Variants in ENPEP observed in about 807,000 individuals in gnomAD.
ENPEP encodes the protein glutamyl aminopeptidase, also known as AP-A.
In ENPEP, 103 loss-of-function variants were observed where a neutral mutation model predicts 114.5. The ratio of observed to expected loss-of-function variants is 0.90; its 90% CI spans 0.77 to 1.06. The LOEUF (loss-of-function observed/expected upper bound fraction) is 1.06, where lower values mean the gene tolerates loss of function less well. Ranked by LOEUF, ENPEP falls within the 50% of genes least tolerant of loss-of-function variation. The probability of loss-of-function intolerance (pLI) is 0.00; values close to 1 mark genes in which losing one functional copy is unlikely to be tolerated. For synonymous variants in ENPEP, 420 were observed against 422.0 expected (o/e 1.00, Z 0.06); for missense variants, 1,196 against 1,161.3 (o/e 1.03, Z -0.43).
chr4:110,505,575 A>T (rs1219746274), intron 3 of ENPEP, among the ~76,000 whole-genome samples: 1 of 152,190 alleles, frequency 6.6e-6, no homozygotes, highest in East Asian at 1.9e-4. Context: ...AAAACTAGCA[A>T]CGCATTGGGA....
chr4:110,533,437 A>AT (rs1491291716), intron 11 of ENPEP: 1 of 144,888 alleles, frequency 6.9e-6, no homozygotes. Flanking sequence ...AAAAAAAAAA[A>AT]GCAATCCTAA....
chr4:110,547,771 A>G (rs771480155), intron 13 of ENPEP, among the ~76,000 whole-genome samples: 2 of 152,070 alleles, frequency 1.3e-5, no homozygotes, highest in Non-Finnish European at 1.5e-5. Flanking sequence ...TCATAAGCAA[A>G]TGTAAATAAT....
At position 110,564,886 on chromosome 4, in the gene ENPEP, A is replaced by T. The variant is rs552438813; in HGVS notation, c.*3328A>T. ...CAGCAGTATTCCAGATAGAGGCCGC[A>T]CTATGAGCCTGAATTCCAGGATAAA... On this transcript the variant is annotated 3_prime_UTR_variant, in exon 20 of 20. Transcript: ENST00000265162. 1 of 152,328 alleles carries T rather than the reference A, an allele frequency of 6.6e-6. No homozygotes were observed. Among genetic ancestry groups the T allele is most frequent in the South Asian group, 2.1e-4 (1 of 4,828 alleles). The allele number at this position is 152,328 out of a possible 1,614,324, so 9.4% of individuals were successfully genotyped here. A position where few individuals can be genotyped will look rare whatever the true frequency, so the allele number is the denominator to read the frequency against.
At chr4:110,531,082 CTAGA>C in intron 10 of ENPEP, 112 bp from the exon 11 acceptor site, 2 of 556,468 alleles carry the variant, frequency 3.6e-6, no homozygotes, top group Non-Finnish European at 5.7e-6. Flanking sequence ...GTAGTATGGA[CTAGA>C]TAATCATTTA....
chr4:110,549,814 C>T lies in ENPEP; in HGVS notation c.2429C>T (p.Thr810Ile). Residue 810 changes from threonine (T) to isoleucine (I), a missense_variant, in exon 17 of 20, where the codon ACT becomes ATT. Thr to Ile is a moderately conservative substitution (Grantham distance 89, BLOSUM62 -1). Transcript: ENST00000265162. ...TACACTCTTGAGCAATACCAGAAAACTTCATTAGCTCAAGAAAAAGAAAAA... is the reference window on the plus strand; with the variant it reads ...TACACTCTTGAGCAATACCAGAAAATTTCATTAGCTCAAGAAAAAGAAAAA... ...WNYTLEQYQK[T>I]SLAQEKEKLL... 2 of 1,613,272 alleles carry T rather than the reference C, an allele frequency of 1.2e-6. No homozygotes were observed. The highest frequency in any genetic ancestry group is 8.5e-7 in the Non-Finnish European group (1 of 1,179,534).
chr4:110,557,263 T>C (rs1727512646), intron 18 of ENPEP, among the ~76,000 whole-genome samples: 1 of 152,172 alleles, frequency 6.6e-6, no homozygotes, highest in Non-Finnish European at 1.5e-5. Flanking sequence ...GACTTACGGA[T>C]GATCACAAAG....
intron 19 of ENPEP, among the ~76,000 whole-genome samples, chr4:110,560,586 C>T (rs545294708): frequency 3.3e-5 from 5 of 152,074 alleles, no homozygotes; most frequent in East Asian, 1.9e-4. Flanking sequence ...GTTGAGGTGG[C>T]GGGGGGCTGA....
chr4:110,536,637 A>AAATAGCCTG (rs1182576844), intron 11 of ENPEP, among the ~76,000 whole-genome samples: 1 of 152,214 alleles, frequency 6.6e-6, no homozygotes, highest in African/African-American at 2.4e-5. Context: ...CAGACCTGTC[A>AAATAGCCTG]AATAGCCTGA....
chr4:110,486,987 C>T (rs544376318), intron 1 of ENPEP, among the ~76,000 whole-genome samples: 3 of 151,762 alleles, frequency 2.0e-5, no homozygotes, highest in South Asian at 2.1e-4. Context: ...CATAGAGGGT[C>T]GAAGTGAGTT....
Position 110,549,508 on chromosome 4 carries a change from G to A in ENPEP, c.2226-20G>A. 1 of 1,613,060 alleles carries A rather than the reference G, an allele frequency of 6.2e-7. No homozygotes were observed. The highest frequency in any genetic ancestry group is 8.5e-7 in the Non-Finnish European group (1 of 1,179,352). ...GAAAAGTGCTTAAGGCCCTGGATTTGTGTTTGTTTGTTTTTTAAGGTTACT... is the reference window on the plus strand; with the variant it reads ...GAAAAGTGCTTAAGGCCCTGGATTTATGTTTGTTTGTTTTTTAAGGTTACT... On this transcript the variant is annotated intron_variant, in intron 15 of 19. Coordinates refer to ENST00000265162, the MANE Select transcript of ENPEP (RefSeq NM_001977.4).
chr4:110,532,350 TAA>T (rs1270208094), intron 11 of ENPEP, among the ~76,000 whole-genome samples: 1 of 152,200 alleles, frequency 6.6e-6, no homozygotes, highest in Non-Finnish European at 1.5e-5. Flanking sequence ...TTCACATAAA[TAA>T]AAGTGTATAT....
At chr4:110,499,540 C>T (rs1725072266) in intron 3 of ENPEP, among the ~76,000 whole-genome samples, 1 of 152,076 alleles carries the variant, frequency 6.6e-6, no homozygotes, top group Non-Finnish European at 1.5e-5. Flanking sequence ...CCCTCATGGC[C>T]AGTTGTATGT....
In ENPEP at chr4:110,476,247, T is replaced by G; in HGVS notation, c.-168T>G. 2.6e-6 allele frequency: 2 copies of G among 761,022 alleles called. No individual in the cohort carries two copies. Among genetic ancestry groups the G allele is most frequent in the Non-Finnish European group, 3.9e-6 (2 of 506,900 alleles). 47.1% of individuals were successfully genotyped at this position (761,022 alleles called of 1,614,324 possible). A position where few individuals can be genotyped will look rare whatever the true frequency, so the allele number is the denominator to read the frequency against. On this transcript the variant is annotated 5_prime_UTR_variant, in exon 1 of 20. Transcript: ENST00000265162. ...TCATCCTGAGTGGCTGGTGGGAACG[T>G]GAAAAGGGAGAGGAAAAGGCGCAAG... is the stretch of plus-strand genomic sequence containing the variant.
intron 8 of ENPEP, chr4:110,519,357 C>A (rs554690980): frequency 1.7e-5 from 4 of 230,762 alleles, no homozygotes; most frequent in African/African-American, 8.9e-5. Context: ...TCAGTCAGGA[C>A]AATTCTAGAA....
intron 6 of ENPEP, chr4:110,512,636 T>C (rs2110356432): frequency 6.6e-6 from 1 of 152,340 alleles, no homozygotes; most frequent in South Asian, 2.1e-4. Flanking sequence ...TTTCAGAATC[T>C]TACTGCTTAA....
intron 3 of ENPEP, chr4:110,500,117 G>A (rs557044825): frequency 6.6e-6 from 1 of 152,288 alleles, no homozygotes; most frequent in East Asian, 1.9e-4. Context: ...AGTCATGATT[G>A]TCAAGTGAAG....
chr4:110,549,327 C>T lies in ENPEP; in HGVS notation c.2152-19C>T, dbSNP rs375153819. The T allele has an allele frequency of 9.3e-4, 1,484 of 1,596,010 alleles. No individual in the cohort carries two copies. The highest frequency in any genetic ancestry group is 1.2e-3 in the Non-Finnish European group (1,339 of 1,164,162). ...ATGTAGTAAATTGTTACTTATTGTACATAATACTTTTATTTCAGGAATACT... is the reference window on the plus strand; with the variant it reads ...ATGTAGTAAATTGTTACTTATTGTATATAATACTTTTATTTCAGGAATACT... On this transcript the variant is annotated intron_variant, in intron 14 of 19. Coordinates refer to ENST00000265162, the MANE Select transcript of ENPEP (RefSeq NM_001977.4).
intron 14 of ENPEP, among the ~76,000 whole-genome samples, chr4:110,548,674 T>C (rs1158618623): frequency 2.0e-5 from 3 of 152,088 alleles, no homozygotes; most frequent in Non-Finnish European, 4.4e-5. Flanking sequence ...AAGTGAATTA[T>C]TCTTCTAAAA....
At position 110,564,877 on chromosome 4, in the gene ENPEP, A is replaced by G. The variant is rs1228074481; in HGVS notation, c.*3319A>G. On this transcript the variant is annotated 3_prime_UTR_variant, in exon 20 of 20. Transcript: ENST00000265162. The stretch of plus-strand genomic sequence containing the variant: ...TCCTAGATGCAGCAGTATTCCAGAT[A>G]GAGGCCGCACTATGAGCCTGAATTC... The G allele has an allele frequency of 1.3e-5, 2 of 152,214 alleles. No homozygotes were observed. The highest frequency in any genetic ancestry group is 2.4e-5 in the African/African-American group (1 of 41,440). The allele number at this position is 152,214 out of a possible 1,614,324, so 9.4% of individuals were successfully genotyped here.
Sources: allele counts gnomAD v4.1 joint callset (sites outside exome capture counted in the v4.1 genomes callset), GRCh38; gene constraint gnomAD v4.1.1; transcripts MANE v1.5; gene names NCBI Gene and HGNC (gene_info 2026-07-23, HGNC 2026-07-21).